The following ALK variants were observed in gnomAD, a reference collection of about 807,000 sequenced individuals.
The protein encoded by ALK is ALK receptor tyrosine kinase, also known as ALK tyrosine kinase receptor.
Under a neutral mutation model 163.1 loss-of-function variants are expected in ALK, and 74 were observed. The ratio of observed to expected loss-of-function variants is 0.45; its 90% confidence interval spans 0.38 to 0.55. The LOEUF (loss-of-function observed/expected upper bound fraction) is 0.55. ALK is among the 20% of genes least tolerant of loss of function. ALK has a pLI of 0.00. For synonymous variants in ALK, 960 were observed against 843.2 expected (o/e 1.14, Z -2.40); for missense variants, 2,063 against 2,105.3 (o/e 0.98, Z 0.39).
At chr2:29,297,206 C>A (rs1666214682) in intron 8 of ALK, 149 bp from the exon 9 acceptor site, 1 of 806,404 alleles carries the variant, frequency 1.2e-6, no homozygotes, top group Non-Finnish European at 2.1e-6. Context: ...CCTGTCTCAC[C>A]AAGAGGCTTT....
At chr2:29,548,528 G>A (rs1329235753) in intron 3 of ALK, among the ~76,000 whole-genome samples, 3 of 90,736 alleles carry the variant, frequency 3.3e-5, no homozygotes, top group African/African-American at 4.0e-5. Flanking sequence ...CTATGCCAGT[G>A]CTGAACTGCC....
chr2:29,813,151 C>G (rs1487455888), intron 1 of ALK, among the ~76,000 whole-genome samples: 1 of 152,122 alleles, frequency 6.6e-6, no homozygotes, highest in Non-Finnish European at 1.5e-5. Context: ...GAAGAACATC[C>G]CAGTAAATAC....
At chr2:29,752,581 C>A (rs1352838491) in intron 1 of ALK, among the ~76,000 whole-genome samples, 4 of 151,908 alleles carry the variant, frequency 2.6e-5, no homozygotes, top group Non-Finnish European at 5.9e-5. Flanking sequence ...ATCTCCTGAC[C>A]TCGTGATCCG....
intron 24 of ALK, among the ~76,000 whole-genome samples, chr2:29,213,466 T>C (rs1201730627): frequency 6.6e-6 from 1 of 152,190 alleles, no homozygotes; most frequent in Non-Finnish European, 1.5e-5. Flanking sequence ...CCACCCATTG[T>C]CAAAAATGCA....
chr2:29,241,522 G>A (rs1408206077), intron 12 of ALK, among the ~76,000 whole-genome samples: 1 of 151,926 alleles, frequency 6.6e-6, no homozygotes, highest in Admixed American at 6.6e-5. Flanking sequence ...GGGGTGTGGT[G>A]ATGGGGTGAG....
At chr2:29,482,102 C>G (rs1371318172) in intron 4 of ALK, among the ~76,000 whole-genome samples, 2 of 152,158 alleles carry the variant, frequency 1.3e-5, no homozygotes. Context: ...TGAATAAATT[C>G]TGCCTCTTCC....
At chr2:29,567,793 C>T (rs544393820) in intron 3 of ALK, among the ~76,000 whole-genome samples, 82 of 152,276 alleles carry the variant, frequency 5.4e-4, no homozygotes, top group Admixed American at 9.8e-4. Flanking sequence ...AATCCCATTC[C>T]GTTTCTAAGA....
chr2:29,644,381 T>C (rs1308290613), intron 3 of ALK, among the ~76,000 whole-genome samples: 1 of 150,482 alleles, frequency 6.6e-6, no homozygotes, highest in Non-Finnish European at 1.5e-5. Context: ...ACATGTACCC[T>C]AAAACTTAAA....
intron 11 of ALK, among the ~76,000 whole-genome samples, chr2:29,263,787 G>A (rs1483102160): frequency 2.0e-5 from 3 of 152,186 alleles, no homozygotes; most frequent in Non-Finnish European, 4.4e-5. Context: ...TCAGAGATGT[G>A]AGTCTTGACA....
chr2:29,590,658 C>T (rs1268224887), intron 3 of ALK, among the ~76,000 whole-genome samples: 3 of 152,070 alleles, frequency 2.0e-5, no homozygotes, highest in African/African-American at 7.2e-5. Context: ...CCCCATTACC[C>T]GTGATGTTTC....
chr2:29,901,778 C>T (rs530473951), intron 1 of ALK, among the ~76,000 whole-genome samples: 115 of 152,274 alleles, frequency 7.6e-4, no homozygotes, highest in Non-Finnish European at 1.5e-3. Flanking sequence ...TCAGGAAGAT[C>T]GCCGTATCTT....
chr2:29,593,392 T>C (rs1046842100), intron 3 of ALK, among the ~76,000 whole-genome samples: 4 of 152,312 alleles, frequency 2.6e-5, no homozygotes, highest in African/African-American at 7.2e-5. Flanking sequence ...AGGACGTAGT[T>C]TCCCTGAGAA....
chr2:29,882,321 A>G (rs866664630), intron 1 of ALK, among the ~76,000 whole-genome samples: 8 of 152,252 alleles, frequency 5.3e-5, no homozygotes, highest in African/African-American at 9.6e-5. Flanking sequence ...TGGAAATAAT[A>G]AAAACTATGA....
chr2:29,543,365 A>C (rs1673465847), intron 3 of ALK, among the ~76,000 whole-genome samples: 2 of 152,216 alleles, frequency 1.3e-5, no homozygotes, highest in Admixed American at 1.3e-4. Flanking sequence ...CTATATGTGT[A>C]CAGATGGTGT....
At chr2:29,650,497 C>G (rs985567891) in intron 3 of ALK, among the ~76,000 whole-genome samples, 1 of 152,148 alleles carries the variant, frequency 6.6e-6, no homozygotes. Context: ...CTTAAGACGT[C>G]CCGGGGCTTC....
At chr2:29,658,159 G>A (rs988701637) in intron 3 of ALK, among the ~76,000 whole-genome samples, 1 of 152,170 alleles carries the variant, frequency 6.6e-6, no homozygotes, top group Non-Finnish European at 1.5e-5. Flanking sequence ...GGGAAACAAA[G>A]GAAATGAAAA....
chr2:29,685,874 G>A lies in ALK; in HGVS notation c.952+8976C>T, dbSNP rs952457. Among the ~76,000 whole-genome samples the A allele has an allele frequency of 9.1e-3, 1,389 of 152,262 alleles. 31 individuals carry two copies. Among genetic ancestry groups the A allele is most frequent in the African/African-American group, 0.03 (1,236 of 41,542 alleles). On this transcript the variant is annotated intron_variant, in intron 3 of 28. Transcript: ENST00000389048. ...TCCTCTTCTTTCCCAGCCCTTAGAG[G>A]CTACCTCCATTCTTCCTCTCACGGC...
intron 1 of ALK, among the ~76,000 whole-genome samples, chr2:29,856,491 A>T (rs542441987): frequency 1.3e-5 from 2 of 152,346 alleles, no homozygotes; most frequent in South Asian, 2.1e-4. Context: ...CAAGTTTTAC[A>T]TATGAGGAAA....
intron 2 of ALK, among the ~76,000 whole-genome samples, chr2:29,712,728 A>G (rs145371266): frequency 9.2e-4 from 140 of 152,256 alleles, no homozygotes; most frequent in African/African-American, 3.2e-3. Context: ...AAAGTAATTA[A>G]AAAGTCTAAT....
Sources: gnomAD v4.1 joint callset for allele counts (sites outside exome capture counted in the v4.1 genomes callset) on GRCh38, gnomAD v4.1.1 for gene constraint, MANE v1.5 for transcripts, NCBI Gene and HGNC (gene_info 2026-07-23, HGNC 2026-07-21) for gene names.